The following TRIO variants were observed in gnomAD, a reference collection of about 807,000 sequenced individuals.
The protein encoded by TRIO is trio Rho guanine nucleotide exchange factor, also known as triple functional domain protein.
Under a neutral mutation model 351.9 loss-of-function variants are expected in TRIO, and 58 were observed. The ratio of observed to expected loss-of-function variants is 0.16; its 90% CI spans 0.13 to 0.21. TRIO has a LOEUF of 0.21. Among genes scored for constraint, TRIO ranks in the 10% least tolerant of loss-of-function variants. The pLI, the probability that TRIO is intolerant of heterozygous loss-of-function variation, is 1.00. For missense variants in TRIO, 3,201 were observed against 4,027.8 expected, an observed-to-expected ratio of 0.79 and a Z score of 5.56; for synonymous variants, 1,758 against 1,595.7, an observed-to-expected ratio of 1.10 and a Z score of -2.42.
intron 1 of TRIO, among the ~76,000 whole-genome samples, chr5:14,157,627 G>A (rs931116422): frequency 6.6e-6 from 1 of 151,358 alleles, no homozygotes; most frequent in African/African-American, 2.4e-5. Context: ...TCTTGTTCTT[G>A]CCCAGGCTGG....
chr5:14,477,660 A>G (rs1314410313), intron 41 of TRIO, among the ~76,000 whole-genome samples: 2 of 152,302 alleles, frequency 1.3e-5, no homozygotes, highest in East Asian at 1.9e-4. Context: ...GAATCTGAAA[A>G]CCTACCCATG....
At chr5:14,431,275 G>C (rs1751105430) in intron 34 of TRIO, among the ~76,000 whole-genome samples, 1 of 152,192 alleles carries the variant, frequency 6.6e-6, no homozygotes, top group African/African-American at 2.4e-5. Context: ...CTGACCAGCA[G>C]TGGCTGGAAC....
chr5:14,171,908 ACACT>A (rs1267468731), intron 1 of TRIO, among the ~76,000 whole-genome samples: 1 of 152,162 alleles, frequency 6.6e-6, no homozygotes, highest in African/African-American at 2.4e-5. Context: ...TTATGTATAC[ACACT>A]CTTTTCCATT....
At chr5:14,335,313 G>A (rs887117361) in intron 10 of TRIO, among the ~76,000 whole-genome samples, 1 of 152,120 alleles carries the variant, frequency 6.6e-6, no homozygotes, top group African/African-American at 2.4e-5. Context: ...CCTCACCGAT[G>A]AGACGCCTTC....
In TRIO at chr5:14,504,495, C is replaced by A; in HGVS notation, c.8514C>A (p.Thr2838=). ...AGTTGATGAAGCGCGACCAGGTCACCCATGAGCTTGGCATCCTGCAGAGCC... is the reference window on the plus strand; with the variant it reads ...AGTTGATGAAGCGCGACCAGGTCACACATGAGCTTGGCATCCTGCAGAGCC... ...NKKLMKRDQV[T]HELGILQSLQ... Residue 2838 remains threonine, a synonymous_variant, in exon 55 of 57, where the codon ACC becomes ACA. Coordinates refer to ENST00000344204, the MANE Select transcript of TRIO (RefSeq NM_007118.4). 1 of 1,614,102 alleles carries A rather than the reference C, an allele frequency of 6.2e-7. No individual in the cohort carries two copies.
At chr5:14,239,268 C>G (rs1793983398) in intron 1 of TRIO, among the ~76,000 whole-genome samples, 1 of 151,802 alleles carries the variant, frequency 6.6e-6, no homozygotes, top group South Asian at 2.1e-4. Flanking sequence ...GACTCAACCT[C>G]CCCTCCCCCC....
At chr5:14,359,596 C>G in intron 13 of TRIO, 65 bp downstream of exon 13, 1 of 1,566,786 alleles carries the variant, frequency 6.4e-7, no homozygotes, top group African/African-American at 1.3e-5. Flanking sequence ...ACAGCACCGG[C>G]GCCCTCTTGT....
In TRIO at chr5:14,497,670, C is replaced by T. The variant is rs1406987088; in HGVS notation, c.8020-177C>T. On this transcript the variant is annotated intron_variant, in intron 50 of 56. Coordinates refer to ENST00000344204, the MANE Select transcript of TRIO (RefSeq NM_007118.4). The surrounding 1 kb of genome is among the most constrained non-coding windows in gnomAD (Gnocchi z 4.4). Reference sequence around the variant, plus strand: ...TTGTGGGTAGGAAGAAAAAGACCCACCCAAATTAGTGTGACATGAAACTTT... The same window carrying T: ...TTGTGGGTAGGAAGAAAAAGACCCATCCAAATTAGTGTGACATGAAACTTT... Among the ~76,000 whole-genome samples the T allele has an allele frequency of 1.3e-5, 2 of 152,124 alleles. No homozygotes were observed. Among genetic ancestry groups the T allele is most frequent in the Admixed American group, 6.5e-5 (1 of 15,280 alleles).
chr5:14,430,867 C>A (rs1347882030), intron 34 of TRIO, among the ~76,000 whole-genome samples: 1 of 152,070 alleles, frequency 6.6e-6, no homozygotes, highest in Non-Finnish European at 1.5e-5. Context: ...AGGCACCCGC[C>A]ACCCTGACTA....
chr5:14,504,154 G>A (rs1020172476), intron 54 of TRIO, among the ~76,000 whole-genome samples: 24 of 152,240 alleles, frequency 1.6e-4, no homozygotes, highest in Non-Finnish European at 2.6e-4. Context: ...AGCAGCCACC[G>A]ACGTGAGGAG....
chr5:14,481,350 C>T (rs1755498847), intron 44 of TRIO, 66 bp downstream of exon 44: 12 of 1,595,010 alleles, frequency 7.5e-6, no homozygotes, highest in Non-Finnish European at 9.4e-6. Flanking sequence ...CCCCAAGTGT[C>T]TCCTAACAGT....
chr5:14,183,884 T>C, intron 1 of TRIO: 1 of 689,478 alleles, frequency 1.5e-6, no homozygotes, highest in South Asian at 1.5e-5. Context: ...TAGTGACTGT[T>C]TTACTTCGAT....
intron 34 of TRIO, among the ~76,000 whole-genome samples, chr5:14,425,871 C>T (rs1245143230): frequency 1.3e-5 from 2 of 152,222 alleles, no homozygotes; most frequent in Admixed American, 1.3e-4. Context: ...GCCTCGAAAA[C>T]TGTCAGCAAT....
chr5:14,368,055 G>C (rs953078303), intron 16 of TRIO, among the ~76,000 whole-genome samples: 1 of 152,122 alleles, frequency 6.6e-6, no homozygotes, highest in Non-Finnish European at 1.5e-5. Flanking sequence ...CCCTCCCTTG[G>C]CTCTACGGCC....
intron 33 of TRIO, among the ~76,000 whole-genome samples, chr5:14,407,777 A>G (rs1194127198): frequency 2.0e-5 from 3 of 152,196 alleles, no homozygotes; most frequent in African/African-American, 7.2e-5. Context: ...TGCTAGTAGA[A>G]TTTGGAATCC....
chr5:14,446,216 C>G (rs1752429978), intron 34 of TRIO, among the ~76,000 whole-genome samples: 1 of 152,170 alleles, frequency 6.6e-6, no homozygotes, highest in Admixed American at 6.5e-5. Flanking sequence ...GAGTTCCTCA[C>G]AGGAAGACTT....
intron 11 of TRIO, among the ~76,000 whole-genome samples, chr5:14,341,805 GC>G (rs1196201859): frequency 6.6e-6 from 1 of 152,192 alleles, no homozygotes; most frequent in Middle Eastern, 3.2e-3. Flanking sequence ...GTTCTCAGAA[GC>G]CAAGGTTTCC....
chr5:14,216,908 C>G (rs1792261765), intron 1 of TRIO, among the ~76,000 whole-genome samples: 1 of 152,166 alleles, frequency 6.6e-6, no homozygotes, highest in African/African-American at 2.4e-5. Context: ...GGAAGGGGAG[C>G]TGACATTGGA....
intron 34 of TRIO, among the ~76,000 whole-genome samples, chr5:14,424,969 C>T (rs1750517005): frequency 1.3e-5 from 2 of 152,114 alleles, no homozygotes. Context: ...ATTCAGATTC[C>T]CTCTCCCACC....
Sources: gnomAD v4.1 joint callset for allele counts (sites outside exome capture counted in the v4.1 genomes callset) on GRCh38, gnomAD v4.1.1 for gene constraint, Gnocchi (gnomAD v3.1) non-coding constraint, MANE v1.5 for transcripts, NCBI Gene and HGNC (gene_info 2026-07-23, HGNC 2026-07-21) for gene names.